The following CIMIP6 variants were observed in gnomAD, a reference collection of about 807,000 sequenced individuals.
CIMIP6 encodes uncharacterized protein C2orf73.
the CIMIP6 span, among the ~76,000 whole-genome samples, chr2:54,378,239 T>G: frequency 1.3e-5 from 2 of 152,338 alleles, no homozygotes; most frequent in East Asian, 3.8e-4. Flanking sequence ...TGAACAAAAC[T>G]GACCTGGGTT....
the CIMIP6 span, chr2:54,359,178 T>C: frequency 8.6e-6 from 6 of 694,714 alleles, no homozygotes; most frequent in African/African-American, 1.9e-5. Flanking sequence ...TTAAACAAAC[T>C]ACTTCAGTTA....
At chr2:54,345,439 G>A in the CIMIP6 span, among the ~76,000 whole-genome samples, 2 of 152,148 alleles carry the variant, frequency 1.3e-5, no homozygotes, top group African/African-American at 4.8e-5. Flanking sequence ...TCTGGTATAG[G>A]GAGGATATCT....
chr2:54,348,176 G>A, the CIMIP6 span, among the ~76,000 whole-genome samples: 1 of 152,154 alleles, frequency 6.6e-6, no homozygotes, highest in Non-Finnish European at 1.5e-5. Context: ...ATGTGAACCT[G>A]AACCCATTAA....
the CIMIP6 span, chr2:54,383,413 A>G: frequency 6.6e-6 from 1 of 152,232 alleles, no homozygotes; most frequent in Non-Finnish European, 1.5e-5. Context: ...ATCATTCCAT[A>G]TAATGTTTTA....
chr2:54,384,139 G>A, the CIMIP6 span, among the ~76,000 whole-genome samples: 1 of 152,224 alleles, frequency 6.6e-6, no homozygotes, highest in Non-Finnish European at 1.5e-5. Context: ...GGTGGTATGT[G>A]CTTTGCCAAT....
chr2:54,381,273 T>C, the CIMIP6 span, among the ~76,000 whole-genome samples: 1 of 152,200 alleles, frequency 6.6e-6, no homozygotes, highest in African/African-American at 2.4e-5. Flanking sequence ...TTGTTCATGC[T>C]GGTTCTAATC....
the CIMIP6 span, among the ~76,000 whole-genome samples, chr2:54,340,793 C>T: frequency 4.6e-5 from 7 of 152,090 alleles, no homozygotes; most frequent in Admixed American, 4.6e-4. Flanking sequence ...GCTAGCTTTG[C>T]ATTATGCTTT....
chr2:54,335,537 A>G, the CIMIP6 span, among the ~76,000 whole-genome samples: 1 of 152,196 alleles, frequency 6.6e-6, no homozygotes, highest in Admixed American at 6.5e-5. Flanking sequence ...TTAAGTAATA[A>G]GCAAATGTCA....
At chr2:54,346,765 CTTCCT>C in the CIMIP6 span, among the ~76,000 whole-genome samples, 16 of 152,172 alleles carry the variant, frequency 1.1e-4, no homozygotes, top group African/African-American at 3.6e-4. Flanking sequence ...TATTACCCTG[CTTCCT>C]TTCTTCTTTC....
At chr2:54,335,161 A>T in the CIMIP6 span, 67,758 of 655,396 alleles carry the variant, frequency 0.1, 3,849 homozygotes, top group Admixed American at 0.15. Context: ...TAAAAGCAGT[A>T]ACCTGAAACT....
chr2:54,335,174 T>G, the CIMIP6 span: 1 of 622,370 alleles, frequency 1.6e-6, no homozygotes. Context: ...CTGAAACTAT[T>G]TTGCCAGCTG....
chr2:54,333,626 C>T, the CIMIP6 span, among the ~76,000 whole-genome samples: 7 of 152,088 alleles, frequency 4.6e-5, no homozygotes, highest in Admixed American at 1.3e-4. Flanking sequence ...CAGTGGTTCA[C>T]GCCTGTAATC....
the CIMIP6 span, among the ~76,000 whole-genome samples, chr2:54,340,723 G>A: frequency 6.6e-6 from 1 of 152,070 alleles, no homozygotes; most frequent in East Asian, 1.9e-4. Context: ...GACTATTTTG[G>A]CAAAATTCTC....
At chr2:54,331,330 C>A in the CIMIP6 span, among the ~76,000 whole-genome samples, 1 of 152,086 alleles carries the variant, frequency 6.6e-6, no homozygotes, top group African/African-American at 2.4e-5. Context: ...CAGTACTGTG[C>A]CCACCCAGTC....
At chr2:54,346,154 G>GTAAC in the CIMIP6 span, among the ~76,000 whole-genome samples, 6 of 152,268 alleles carry the variant, frequency 3.9e-5, no homozygotes, top group African/African-American at 1.4e-4. Flanking sequence ...ATGCTGTTTA[G>GTAAC]TAGTTTTCAA....
chr2:54,380,909 T>TA, the CIMIP6 span, among the ~76,000 whole-genome samples: 1 of 152,244 alleles, frequency 6.6e-6, no homozygotes, highest in Non-Finnish European at 1.5e-5. Context: ...ATATCTTTTT[T>TA]AGTCTTCTTG....
chr2:54,339,587 G>A, the CIMIP6 span, among the ~76,000 whole-genome samples: 2 of 74,856 alleles, frequency 2.7e-5, 1 homozygote, highest in Non-Finnish European at 7.0e-5. Context: ...GCAAAATAGA[G>A]ATGAATTTAG....
At chr2:54,338,258 A>C in the CIMIP6 span, among the ~76,000 whole-genome samples, 1 of 152,090 alleles carries the variant, frequency 6.6e-6, no homozygotes, top group Non-Finnish European at 1.5e-5. Context: ...ACATAGTGAG[A>C]CCGAGCGCTA....
the CIMIP6 span, chr2:54,360,729 A>T: frequency 4.3e-6 from 3 of 695,720 alleles, no homozygotes; most frequent in Non-Finnish European, 4.4e-6. Context: ...AATGTTATTA[A>T]TAAGAGTGGT....
Sources: allele counts gnomAD v4.1 joint callset (sites outside exome capture counted in the v4.1 genomes callset), GRCh38; gene constraint gnomAD v4.1.1; transcripts MANE v1.5; gene names NCBI Gene and HGNC (gene_info 2026-07-23, HGNC 2026-07-21).